Variants in ABLIM3 observed in about 807,000 individuals in gnomAD.
ABLIM3 encodes actin binding LIM protein family member 3, also known as actin-binding LIM protein 3.
A neutral mutation model predicts 109.5 loss-of-function variants in ABLIM3; 61 were observed. The ratio of observed to expected loss-of-function variants is 0.56; its 90% CI spans 0.45 to 0.69. ABLIM3 has a LOEUF of 0.69. Among genes scored for constraint, ABLIM3 ranks in the 30% least tolerant of loss-of-function variants. The pLI is 0.00. For missense variants in ABLIM3, 796 were observed against 889.5 expected (o/e 0.89, Z 1.34); for synonymous variants, 300 against 324.8 (o/e 0.92, Z 0.82).
At chr5:149,206,888 A>AG (rs5872113) in intron 5 of ABLIM3, 120 bp from the exon 6 acceptor site, 1,364,353 of 1,364,448 alleles carry the variant, frequency 1, 682,129 homozygotes, top group Middle Eastern at 1. Flanking sequence ...TTCCAGTGTC[A>AG]GGTGGGAGCA....
Position 149,200,441 on chromosome 5 carries a change from CA to C in ABLIM3, c.448+14del, listed in dbSNP as rs758336879. On this transcript the variant is annotated intron_variant, in intron 5 of 23. Transcript: ENST00000309868. ...CGTGGACCAAGCCGTGAGTCCTCCC[CA>C]CGGGTATCTCCCTGTCCATGGGTGT... 7 of 1,610,750 alleles carry C rather than the reference CA, an allele frequency of 4.3e-6. No individual in the cohort carries two copies. In the South Asian group the frequency reaches 7.7e-5, roughly 18 times the overall value.
At chr5:149,243,418 C>G (rs932156759) in intron 15 of ABLIM3, 2 of 152,212 alleles carry the variant, frequency 1.3e-5, no homozygotes, top group Non-Finnish European at 2.9e-5. Flanking sequence ...CCTGTGCACC[C>G]ACACTTGCTT....
rs1171431240 is a variant in ABLIM3 at position 149,242,498 on chromosome 5, C to A, written c.1311C>A (p.Asp437Glu). 6.2e-7 allele frequency: 1 copy of A among 1,613,996 alleles called. No individual in the cohort carries two copies. Among genetic ancestry groups the A allele is most frequent in the Non-Finnish European group, 8.5e-7 (1 of 1,180,036 alleles). Residue 437 changes from aspartate to glutamate, a missense_variant, in exon 15 of 24, where the codon GAC (aspartate) becomes GAA (glutamate). By Grantham distance (45) the Asp-to-Glu change is conservative. Coordinates refer to ENST00000309868, the MANE Select transcript of ABLIM3 (RefSeq NM_014945.5). ...TCCTGGTCTGTCTGGCAGCTGGAGA[C>A]AGTAACATCTACCGGAAACCCCCGA... ...APKHFHIPAG[D>E]SNIYRKPPIY... is the part of the protein sequence containing the mutation.
chr5:149,202,849 T>TTCACCA (rs1361164555), intron 5 of ABLIM3, among the ~76,000 whole-genome samples: 1 of 151,704 alleles, frequency 6.6e-6, no homozygotes, highest in Non-Finnish European at 1.5e-5. Flanking sequence ...CACCACAACC[T>TTCACCA]TCACCATCAC....
intron 2 of ABLIM3, among the ~76,000 whole-genome samples, chr5:149,146,701 T>C (rs927621605): frequency 6.6e-6 from 1 of 152,224 alleles, no homozygotes; most frequent in Non-Finnish European, 1.5e-5. Context: ...AGTACCATGC[T>C]GTTTTGGTTA....
intron 3 of ABLIM3, among the ~76,000 whole-genome samples, chr5:149,184,282 T>C (rs999197999): frequency 1.3e-5 from 2 of 152,174 alleles, no homozygotes; most frequent in South Asian, 2.1e-4. Flanking sequence ...AGCCTCCACA[T>C]CTTGACCTCC....
intron 3 of ABLIM3, among the ~76,000 whole-genome samples, chr5:149,194,717 A>G (rs80053577): frequency 0.015 from 2,340 of 152,334 alleles, 55 homozygotes; most frequent in African/African-American, 0.054. Flanking sequence ...AAGTTCAAAA[A>G]GTGGCCAAAC....
At chr5:149,257,299 C>CA (rs11458045) in intron 23 of ABLIM3, among the ~76,000 whole-genome samples, 48,805 of 136,194 alleles carry the variant, frequency 0.36, 9,616 homozygotes, top group East Asian at 0.57. Context: ...AACTCTGTCT[C>CA]AAAAAAAAAA....
intron 7 of ABLIM3, among the ~76,000 whole-genome samples, chr5:149,211,542 G>C (rs902497970): frequency 1.3e-5 from 2 of 152,184 alleles, no homozygotes; most frequent in African/African-American, 4.8e-5. Context: ...CTCTACTCCT[G>C]CTCAGATTTT....
intron 2 of ABLIM3, among the ~76,000 whole-genome samples, chr5:149,175,566 C>A (rs1373046762): frequency 6.6e-6 from 1 of 151,976 alleles, no homozygotes; most frequent in Non-Finnish European, 1.5e-5. Context: ...CTGTGCTGAG[C>A]CCACGGACAC....
At chr5:149,210,890 A>G (rs567782866) in intron 7 of ABLIM3, 71 bp downstream of exon 7, 120 of 1,408,672 alleles carry the variant, frequency 8.5e-5, no homozygotes, top group Admixed American at 1.2e-4. Context: ...TCACAGAAGA[A>G]GGAGAAAGTC....
chr5:149,242,900 A>G (rs1267088876), intron 15 of ABLIM3, among the ~76,000 whole-genome samples: 1 of 152,202 alleles, frequency 6.6e-6, no homozygotes, highest in Admixed American at 6.5e-5. Context: ...CAGGGGATGC[A>G]TACAGATTCC....
intron 4 of ABLIM3, chr5:149,199,194 C>A: frequency 2.2e-6 from 1 of 450,842 alleles, no homozygotes; most frequent in South Asian, 1.6e-5. Context: ...CTCAGCCCTA[C>A]CCACAAATAC....
In ABLIM3 at chr5:149,228,200, C is replaced by A. The variant is rs1030697981; in HGVS notation, c.758-2449C>A. Among the ~76,000 whole-genome samples, 2 of 152,132 alleles carry A rather than the reference C, an allele frequency of 1.3e-5. 1 individual carries two copies. The highest frequency in any genetic ancestry group is 4.2e-4 in the South Asian group (2 of 4,814). On this transcript the variant is annotated intron_variant, in intron 8 of 23. Transcript: ENST00000309868. ...TTCAGTTCTTAGGTGTTAAATGTTC[C>A]TTGCCTGAACCTTCTGCCCTTAGTC...
chr5:149,207,160 C>A (rs1399211356), intron 6 of ABLIM3, 26 bp downstream of exon 6: 2 of 1,606,832 alleles, frequency 1.2e-6, no homozygotes, highest in Non-Finnish European at 1.7e-6. Context: ...CCTGCCCCAG[C>A]TGCCTGGGCC....
chr5:149,161,224 T>C (rs1482131430), intron 2 of ABLIM3, among the ~76,000 whole-genome samples: 1 of 152,150 alleles, frequency 6.6e-6, no homozygotes, highest in African/African-American at 2.4e-5. Flanking sequence ...CTGACCTGGA[T>C]TGTTTTGGGT....
intron 23 of ABLIM3, among the ~76,000 whole-genome samples, chr5:149,253,965 A>G (rs1754197247): frequency 6.6e-6 from 1 of 152,306 alleles, no homozygotes; most frequent in South Asian, 2.1e-4. Context: ...AAGGCAAAGG[A>G]GGAGTAAAGT....
chr5:149,259,800 A>G lies in ABLIM3; in HGVS notation c.*1396A>G. 1.7e-6 allele frequency: 1 copy of G among 589,608 alleles called. No homozygotes were observed. Among genetic ancestry groups the G allele is most frequent in the Non-Finnish European group, 3.0e-6 (1 of 332,812 alleles). 36.5% of individuals were successfully genotyped at this position (589,608 alleles called of 1,614,324 possible). On this transcript the variant is annotated 3_prime_UTR_variant, in exon 24 of 24. Coordinates refer to ENST00000309868, the MANE Select transcript of ABLIM3 (RefSeq NM_014945.5). Reference sequence around the variant, plus strand: ...CATGGAGGAAGGATGAAGAAGTGAAAATGACAATAATGACTCTCAAGAGGC... The same window carrying G: ...CATGGAGGAAGGATGAAGAAGTGAAGATGACAATAATGACTCTCAAGAGGC...
At chr5:149,141,798 A>C (rs1752480589) in intron 1 of ABLIM3, 144 bp downstream of exon 1, 1 of 475,602 alleles carries the variant, frequency 2.1e-6, no homozygotes, top group Non-Finnish European at 3.8e-6. Flanking sequence ...AGGCGCTGCC[A>C]ACCCCACTTC....
Sources: allele counts gnomAD v4.1 joint callset (sites outside exome capture counted in the v4.1 genomes callset), GRCh38; gene constraint gnomAD v4.1.1; transcripts MANE v1.5; gene names NCBI Gene and HGNC (gene_info 2026-07-23, HGNC 2026-07-21).